FGF22: variants seen among roughly 807,000 people sequenced by gnomAD.
FGF22 encodes FGF-22.
In FGF22, 11 loss-of-function variants were observed where a neutral mutation model predicts 10.3. That is an observed-to-expected ratio of 1.07 (90% confidence interval 0.67 to 1.77). The LOEUF is 1.77. Ranked by LOEUF, FGF22 falls within the 40% of genes most tolerant of loss-of-function variation. The pLI is 0.00. For synonymous variants in FGF22, 136 were observed against 122.1 expected (o/e 1.11, Z -0.75); for missense variants, 317 against 273.2 (o/e 1.16, Z -1.13).
At chr19:640,691 G>A (rs1426874225) in intron 1 of FGF22, 33 of 163,680 alleles carry the variant, frequency 2.0e-4, no homozygotes, top group Admixed American at 1.7e-3. Context: ...AGGGTCTGCC[G>A]AGCACACTGA....
At chr19:644,283 G>C (rs951270057) in exon 3 of FGF22, 5 of 152,766 alleles carry the variant, frequency 3.3e-5, no homozygotes, top group African/African-American at 1.2e-4. Context: ...GGGAGGGACC[G>C]GCCTGCTCCT....
Position 643,739 on chromosome 19 carries a change from A to G in FGF22, c.*135A>G, listed in dbSNP as rs1985994661. The G allele has an allele frequency of 5.0e-6, 4 of 797,860 alleles. No individual in the cohort carries two copies. In the South Asian group the frequency reaches 5.5e-5, roughly 11 times the overall value. 49.4% of individuals were successfully genotyped at this position (797,860 alleles called of 1,614,324 possible). ...GCGGGCGCTGTGGACACAGCCCAGGAGCCCTCCAGGGGGGTCCCAGCCTGA... is the reference window on the plus strand; with the variant it reads ...GCGGGCGCTGTGGACACAGCCCAGGGGCCCTCCAGGGGGGTCCCAGCCTGA... On this transcript the variant is annotated 3_prime_UTR_variant, in exon 3 of 3. Transcript: ENST00000215530.
intron 1 of FGF22, among the ~76,000 whole-genome samples, chr19:642,877 C>A (rs2144744359): frequency 6.6e-6 from 1 of 151,976 alleles, no homozygotes; most frequent in Admixed American, 6.5e-5. Flanking sequence ...TGTGTGGGAG[C>A]CCCCCCGCCA....
At chr19:640,463 C>T (rs892971499) in intron 1 of FGF22, 10 of 241,398 alleles carry the variant, frequency 4.1e-5, no homozygotes, top group East Asian at 7.5e-5. Context: ...ATGGCGGAAG[C>T]GGCGGGGGGC....
intron 1 of FGF22, chr19:640,881 C>G (rs938196567): frequency 6.7e-6 from 2 of 297,060 alleles, no homozygotes; most frequent in African/African-American, 2.2e-5. Flanking sequence ...GTAATCACCC[C>G]CTGTCCTTCC....
At chr19:641,096 G>A (rs1985883245) in intron 1 of FGF22, 1 of 444,994 alleles carries the variant, frequency 2.2e-6, no homozygotes, top group Non-Finnish European at 4.6e-6. Context: ...CGGTGATGGG[G>A]GTGAGGGCTA....
Position 643,397 on chromosome 19 carries a change from C to T in FGF22, c.319-13C>T, listed in dbSNP as rs777886773. On this transcript the variant is annotated splice_polypyrimidine_tract_variant and intron_variant, in intron 2 of 2. Coordinates refer to ENST00000215530, the Ensembl canonical transcript of FGF22. ...GGGTGGGGAGGGTGGGCCGGCCTCA[C>T]CCCCGCCCGCAGCGACTCTACACCG... 7.5e-6 allele frequency: 12 copies of T among 1,608,016 alleles called. No homozygotes were observed. Among genetic ancestry groups the T allele is most frequent in the Admixed American group, 6.7e-5 (4 of 59,762 alleles).
chr19:641,972 C>T (rs1235233302), intron 1 of FGF22, among the ~76,000 whole-genome samples: 2 of 152,156 alleles, frequency 1.3e-5, no homozygotes, highest in Non-Finnish European at 2.9e-5. Context: ...CCAGGGCTAC[C>T]CACAGACGAT....
chr19:641,427 T>G, intron 1 of FGF22: 1 of 359,380 alleles, frequency 2.8e-6, no homozygotes, highest in Non-Finnish European at 5.6e-6. Context: ...ATACAAAAAT[T>G]AGCCGGGTGT....
rs968223097 is a variant in FGF22, at chr19:641,467, C to T, written c.214+1328C>T. 5.9e-5 allele frequency: 20 copies of T among 336,922 alleles called. 1 individual carries two copies. Among genetic ancestry groups the T allele is most frequent in the Admixed American group, 4.8e-4 (13 of 26,810 alleles). The allele number at this position is 336,922 out of a possible 1,614,324, so 20.9% of individuals were successfully genotyped here. A position where few individuals can be genotyped will look rare whatever the true frequency, so the allele number is the denominator to read the frequency against. On this transcript the variant is annotated intron_variant, in intron 1 of 2. Transcript: ENST00000215530. ...GCGGGCGCCTGTAGTCCCAGCTACT[C>T]GGGAGGCTGAGGCAGGAGAATGACG...
In FGF22 at chr19:643,349, G is replaced by T. The variant is rs374325766; in HGVS notation, c.318+11G>T. ...CGCCTCTACGGGTCGGTGAGTGCCG[G>T]GCAGGGCTGGGCGGCGCGGGCAGGG... On this transcript the variant is annotated intron_variant, in intron 2 of 2. Coordinates refer to ENST00000215530, the Ensembl canonical transcript of FGF22. The T allele has an allele frequency of 1.9e-6, 3 of 1,606,218 alleles. No individual in the cohort carries two copies. The highest frequency in any genetic ancestry group is 2.6e-6 in the Non-Finnish European group (3 of 1,175,970).
chr19:642,722 C>A (rs1349413589), intron 1 of FGF22, among the ~76,000 whole-genome samples: 4 of 149,284 alleles, frequency 2.7e-5, no homozygotes, highest in Admixed American at 2.7e-4. Flanking sequence ...GGGCTGGGGG[C>A]TCCCTGGGGT....
exon 3 of FGF22, chr19:643,771 G>A: frequency 1.6e-6 from 1 of 626,970 alleles, no homozygotes; most frequent in Non-Finnish European, 2.7e-6. Flanking sequence ...CTGAGGGGGT[G>A]GTGGCCACCA....
chr19:639,880 C>CG lies in FGF22; in HGVS notation c.-44dup, dbSNP rs994131434. The CG allele has an allele frequency of 4.5e-4, 517 of 1,156,328 alleles. 3 individuals carry two copies. In the African/African-American group the frequency reaches 7.9e-3, roughly 18 times the overall value. 71.6% of individuals were successfully genotyped at this position (1,156,328 alleles called of 1,614,324 possible). The stretch of plus-strand genomic sequence containing the variant: ...GCCCCGCCGCGCGAAGGCAGAGCCG[C>CG]GGACGCCCGGGAGCGACGAGCGCGC... On this transcript the variant is annotated 5_prime_UTR_variant, in exon 1 of 3. Transcript: ENST00000215530.
exon 1 of FGF22, chr19:640,025 C>G (rs967153801): frequency 1.4e-6 from 2 of 1,380,050 alleles, no homozygotes; most frequent in South Asian, 3.2e-5. Flanking sequence ...GCGCAGCTAC[C>G]CGCACCTGGA....
exon 1 of FGF22, chr19:639,889 G>C: frequency 1.7e-6 from 2 of 1,183,062 alleles, no homozygotes; most frequent in Non-Finnish European, 2.1e-6. Context: ...GCGGACGCCC[G>C]GGAGCGACGA....
chr19:641,434 G>C, intron 1 of FGF22: 1 of 360,704 alleles, frequency 2.8e-6, no homozygotes, highest in Non-Finnish European at 5.6e-6. Context: ...AATTAGCCGG[G>C]TGTGGTGGCG....
Position 640,147 on chromosome 19 carries a change from C to T in FGF22, c.214+8C>T, listed in dbSNP as rs1157620150. The T allele has an allele frequency of 7.2e-6, 9 of 1,244,758 alleles. No homozygotes were observed. In the East Asian group the frequency reaches 1.4e-4, roughly 20 times the overall value. 77.1% of individuals were successfully genotyped at this position (1,244,758 alleles called of 1,614,324 possible). On this transcript the variant is annotated splice_region_variant and intron_variant, in intron 1 of 2. Transcript: ENST00000215530. ...GGCGCCACGGCCAGGACAGTGAGTG[C>T]GGGGCGGCGGGGGCCTGGGGTGGGG...
chr19:640,216 C>T lies in FGF22; in HGVS notation c.214+77C>T, dbSNP rs1568183284. The T allele has an allele frequency of 7.7e-6, 8 of 1,036,974 alleles. No individual in the cohort carries two copies. The East Asian group carries it at 1.7e-4, about 21-fold the overall frequency. The allele number at this position is 1,036,974 out of a possible 1,614,324, so 64.2% of individuals were successfully genotyped here. On this transcript the variant is annotated intron_variant, in intron 1 of 2. Coordinates refer to ENST00000215530, the Ensembl canonical transcript of FGF22. ...ACGCGGCCGCCGTCTTCACGGTGACCTGCGCCCGCGGGGGAGTCCCGGAGG... is the reference window on the plus strand; with the variant it reads ...ACGCGGCCGCCGTCTTCACGGTGACTTGCGCCCGCGGGGGAGTCCCGGAGG...
Sources: allele counts gnomAD v4.1 joint callset (sites outside exome capture counted in the v4.1 genomes callset), GRCh38; gene constraint gnomAD v4.1.1; transcripts MANE v1.5; gene names NCBI Gene and HGNC (gene_info 2026-07-23, HGNC 2026-07-21).